The following NDEL1 variants were observed in gnomAD, a reference collection of about 807,000 sequenced individuals.
NDEL1 encodes nuclear distribution protein nudE-like 1.
NDEL1 carries 9 observed loss-of-function variants against 45.7 expected under a neutral mutation model. The ratio of observed to expected loss-of-function variants is 0.20; its 90% CI spans 0.12 to 0.34. The LOEUF (loss-of-function observed/expected upper bound fraction) is 0.34. NDEL1 is among the 10% of genes least tolerant of loss of function. NDEL1 has a pLI of 1.00. For missense variants in NDEL1, 306 were observed against 406.2 expected (o/e 0.75, Z 2.12); for synonymous variants, 133 against 158.6 (o/e 0.84, Z 1.21).
intron 1 of NDEL1, among the ~76,000 whole-genome samples, chr17:8,443,486 C>T (rs774327078): frequency 2.6e-5 from 4 of 152,104 alleles, no homozygotes; most frequent in East Asian, 1.9e-4. Context: ...AAGACAGTTT[C>T]GAACAGTACT....
upstream of NDEL1, among the ~76,000 whole-genome samples, chr17:8,435,511 G>T (rs1328743412): frequency 6.6e-6 from 1 of 152,252 alleles, no homozygotes; most frequent in Non-Finnish European, 1.5e-5. Flanking sequence ...GTTCGAGCAG[G>T]GGGAATGGAC....
chr17:8,460,880 C>T (rs1911153771), intron 8 of NDEL1, among the ~76,000 whole-genome samples: 1 of 152,182 alleles, frequency 6.6e-6, no homozygotes, highest in Non-Finnish European at 1.5e-5. Flanking sequence ...CCTATCATGA[C>T]TTCTATTGCC....
At chr17:8,446,691 TA>T in intron 3 of NDEL1, 62 bp from the exon 4 acceptor site, 1 of 1,543,130 alleles carries the variant, frequency 6.5e-7, no homozygotes, top group South Asian at 1.2e-5. Flanking sequence ...TAACTTGAGT[TA>T]CCTCTTTAGT....
chr17:8,463,658 G>A lies in NDEL1; in HGVS notation c.945-3272G>A, dbSNP rs532597049. On this transcript the variant is annotated intron_variant, in intron 8 of 8. Coordinates refer to ENST00000334527, the MANE Select transcript of NDEL1 (RefSeq NM_030808.5). ...GTTGATTTCAGAGTCTGGCGATGGG[G>A]GTTTGAGGTCACTGTCAGGCCCTGG... Among the ~76,000 whole-genome samples, 3 of 152,316 alleles carry A rather than the reference G, an allele frequency of 2.0e-5. No homozygotes were observed. The South Asian group carries it at 6.2e-4, about 32-fold the overall frequency.
chr17:8,428,645 G>A (rs1908918004), intron 1 of NDEL1, among the ~76,000 whole-genome samples: 1 of 151,780 alleles, frequency 6.6e-6, no homozygotes, highest in Non-Finnish European at 1.5e-5. Context: ...TTATAGGTGT[G>A]AGCCCCCATG....
intron 1 of NDEL1, among the ~76,000 whole-genome samples, chr17:8,428,349 TGTG>T (rs1567721200): frequency 1.5e-5 from 2 of 135,130 alleles, no homozygotes; most frequent in Non-Finnish European, 1.6e-5. Flanking sequence ...TGTGTGTGTG[TGTG>T]TGTGTGTGTA....
intron 1 of NDEL1, among the ~76,000 whole-genome samples, chr17:8,415,363 G>C (rs1037291661): frequency 6.6e-6 from 1 of 151,848 alleles, no homozygotes; most frequent in Non-Finnish European, 1.5e-5. Flanking sequence ...CATTTTTTTA[G>C]AGACGAGGTT....
intron 5 of NDEL1, among the ~76,000 whole-genome samples, chr17:8,448,910 C>T (rs1910273301): frequency 6.6e-6 from 1 of 152,158 alleles, no homozygotes; most frequent in Admixed American, 6.5e-5. Flanking sequence ...GTCCTGGAAC[C>T]AATCCCCATG....
intron 1 of NDEL1, among the ~76,000 whole-genome samples, chr17:8,443,547 G>C (rs1442794551): frequency 1.3e-5 from 2 of 152,122 alleles, no homozygotes; most frequent in Non-Finnish European, 2.9e-5. Flanking sequence ...GAAGCAGTAG[G>C]CATGCCTCTA....
At chr17:8,427,175 C>G (rs1026089976) in intron 1 of NDEL1, among the ~76,000 whole-genome samples, 1 of 152,226 alleles carries the variant, frequency 6.6e-6, no homozygotes, top group Non-Finnish European at 1.5e-5. Flanking sequence ...TGGGGATAAA[C>G]TGATGGGAGA....
At chr17:8,419,234 C>T (rs1031498910) in intron 1 of NDEL1, among the ~76,000 whole-genome samples, 8 of 151,958 alleles carry the variant, frequency 5.3e-5, no homozygotes, top group East Asian at 3.9e-4. Flanking sequence ...AAGTGTTTGA[C>T]GATTTTCTTC....
At chr17:8,459,519 T>C (rs1911062493) in intron 7 of NDEL1, among the ~76,000 whole-genome samples, 1 of 152,200 alleles carries the variant, frequency 6.6e-6, no homozygotes, top group Non-Finnish European at 1.5e-5. Context: ...TGTAAAGTGT[T>C]GTAAATGTTC....
Position 8,450,954 on chromosome 17 carries a change from GT to G in NDEL1, c.700+4del. The G allele has an allele frequency of 6.2e-7, 1 of 1,603,414 alleles. No individual in the cohort carries two copies. Among genetic ancestry groups the G allele is most frequent in the Non-Finnish European group, 8.5e-7 (1 of 1,176,264 alleles). ...GAGAACACTTTTCCTTCACCGAAAG[GT>G]TTGTAATGTCTTTTCTTTTTGAGGC... On this transcript the variant is annotated splice_donor_variant, in intron 6 of 8. Coordinates refer to ENST00000334527, the MANE Select transcript of NDEL1 (RefSeq NM_030808.5). LOFTEE classifies it high-confidence loss of function.
intron 6 of NDEL1, among the ~76,000 whole-genome samples, chr17:8,451,777 C>T (rs2151726005): frequency 6.6e-6 from 1 of 151,220 alleles, no homozygotes. Flanking sequence ...TCCCCCCTTG[C>T]TTTTTTTTTC....
At chr17:8,462,300 T>C (rs1466972660) in intron 8 of NDEL1, among the ~76,000 whole-genome samples, 1 of 152,226 alleles carries the variant, frequency 6.6e-6, no homozygotes, top group East Asian at 1.9e-4. Flanking sequence ...TGTGAGTGTT[T>C]AGCTTATATG....
intron 1 of NDEL1, among the ~76,000 whole-genome samples, chr17:8,442,851 G>A (rs1018378557): frequency 7.4e-4 from 105 of 142,072 alleles, no homozygotes; most frequent in East Asian, 2.8e-3. Flanking sequence ...GTGCAGTGGC[G>A]CAATCTTGGC....
intron 1 of NDEL1, among the ~76,000 whole-genome samples, chr17:8,438,932 C>T (rs1294722577): frequency 7.3e-6 from 1 of 136,348 alleles, no homozygotes; most frequent in East Asian, 2.2e-4. Context: ...GAAGTTTTTG[C>T]TTTGTTCTTT....
At chr17:8,434,142 C>T (rs577656126), upstream of NDEL1, among the ~76,000 whole-genome samples, 5 of 152,302 alleles carry the variant, frequency 3.3e-5, no homozygotes, top group East Asian at 1.9e-4. Flanking sequence ...CATTGCGTGC[C>T]GCATGGAGGC....
chr17:8,448,652 G>T lies in NDEL1; in HGVS notation c.492G>T (p.Leu164Phe), dbSNP rs1404512895. The T allele has an allele frequency of 6.2e-7, 1 of 1,614,058 alleles. No individual in the cohort carries two copies. Among genetic ancestry groups the T allele is most frequent in the Non-Finnish European group, 8.5e-7 (1 of 1,179,970 alleles). The change falls in exon 5 of 9, where the codon TTG becomes TTT. Residue 164 changes from leucine (L) to phenylalanine (F), a missense_variant. By Grantham distance (22) the Leu-to-Phe change is conservative. Coordinates refer to ENST00000334527, the MANE Select transcript of NDEL1 (RefSeq NM_030808.5). ...ESELDEKESL[L>F]VSVQRLKDEA... ...AACTTGATGAAAAGGAATCTTTGTT[G>T]GTCTCTGTACAGAGGTTAAAGGATG...
Sources: gnomAD v4.1 joint callset for allele counts (sites outside exome capture counted in the v4.1 genomes callset) on GRCh38, gnomAD v4.1.1 for gene constraint, MANE v1.5 for transcripts, NCBI Gene and HGNC (gene_info 2026-07-23, HGNC 2026-07-21) for gene names.